The following OCEL1 variants were observed in gnomAD, a reference collection of about 807,000 sequenced individuals.
The protein encoded by OCEL1 is occludin/ELL domain containing 1, also known as occludin/ELL domain-containing protein 1.
Under a neutral mutation model 29.4 loss-of-function variants are expected in OCEL1, and 24 were observed. That is an observed-to-expected ratio of 0.82 (90% CI 0.59 to 1.15). The LOEUF is 1.15. OCEL1 is among the 50% of genes most tolerant of loss of function. The pLI, the probability that OCEL1 is intolerant of heterozygous loss-of-function variation, is 0.00. For synonymous variants in OCEL1, 172 were observed against 145.3 expected (o/e 1.18, Z -1.32); for missense variants, 402 against 352.5 (o/e 1.14, Z -1.13).
Position 17,228,947 on chromosome 19 carries a change from G to C in OCEL1, c.*22G>C, listed in dbSNP as rs201106868. 1.2e-6 allele frequency: 2 copies of C among 1,603,522 alleles called. No homozygotes were observed. Among genetic ancestry groups the C allele is most frequent in the Non-Finnish European group, 1.7e-6 (2 of 1,174,850 alleles). ...CTAAGTGCCCCTGCAGATGGGCAGA[G>C]GGATGCATGGGGATGCAGGTCCCTT... On this transcript the variant is annotated 3_prime_UTR_variant, in exon 6 of 6. Transcript: ENST00000215061.
chr19:17,226,231 G>A lies in OCEL1; in HGVS notation c.-17G>A. On this transcript the variant is annotated 5_prime_UTR_variant, in exon 1 of 6. Transcript: ENST00000215061. ...CCCTGCTGAGCGACCCCGCCAGTCG[G>A]GTCCATCCTGCAGTAAATGCACAAC... The A allele has an allele frequency of 6.2e-7, 1 of 1,600,536 alleles. No homozygotes were observed. Among genetic ancestry groups the A allele is most frequent in the Non-Finnish European group, 8.5e-7 (1 of 1,174,048 alleles).
At chr19:17,226,932 G>A (rs1274985606) in intron 2 of OCEL1, 62 bp from the exon 3 acceptor site, 1 of 1,528,396 alleles carries the variant, frequency 6.5e-7, no homozygotes, top group East Asian at 2.4e-5. Flanking sequence ...AGCCCCTCCA[G>A]TTTGAGGGAC....
intron 4 of OCEL1, 105 bp downstream of exon 4, chr19:17,228,110 C>CG (rs2073378980): frequency 6.5e-7 from 1 of 1,544,012 alleles, no homozygotes; most frequent in African/African-American, 1.4e-5. Context: ...TTTCTCCTCT[C>CG]GGTTGGCTGG....
At chr19:17,226,612 G>C (rs12984127) in intron 1 of OCEL1, 81 bp from the exon 2 acceptor site, 528,130 of 1,362,382 alleles carry the variant, frequency 0.39, 108,192 homozygotes, top group Non-Finnish European at 0.42. Context: ...GTGAGAGTTG[G>C]CCGCTCTTCG....
intron 3 of OCEL1, 105 bp from the exon 4 acceptor site, chr19:17,227,735 G>A: frequency 9.1e-6 from 10 of 1,096,354 alleles, no homozygotes; most frequent in Non-Finnish European, 1.3e-5. Flanking sequence ...GAAAAGGAAC[G>A]TTTCTAGTAG....
intron 5 of OCEL1, chr19:17,228,527 C>A (rs1599449003): frequency 3.3e-6 from 2 of 609,698 alleles, no homozygotes; most frequent in East Asian, 6.0e-5. Flanking sequence ...GCGCCCACCA[C>A]CGTGCCTGGC....
In OCEL1 at chr19:17,228,956, G is replaced by A. The variant is rs2145558656; in HGVS notation, c.*31G>A. 1 of 1,601,728 alleles carries A rather than the reference G, an allele frequency of 6.2e-7. No homozygotes were observed. Among genetic ancestry groups the A allele is most frequent in the South Asian group, 1.1e-5 (1 of 90,590 alleles). The stretch of plus-strand genomic sequence containing the variant: ...CCTGCAGATGGGCAGAGGGATGCAT[G>A]GGGATGCAGGTCCCTTGCATTTCTT... On this transcript the variant is annotated 3_prime_UTR_variant, in exon 6 of 6. Transcript: ENST00000215061.
intron 3 of OCEL1, 66 bp from the exon 4 acceptor site, chr19:17,227,774 T>C: frequency 6.4e-7 from 1 of 1,553,878 alleles, no homozygotes; most frequent in South Asian, 1.2e-5. Flanking sequence ...GAAAAGCAAA[T>C]TACACTGACT....
chr19:17,227,228 C>T (rs777856428), intron 3 of OCEL1, 29 bp downstream of exon 3: 4 of 1,456,820 alleles, frequency 2.7e-6, no homozygotes, highest in Middle Eastern at 1.8e-4. Context: ...ATTCTTCATG[C>T]CTGGGATCAG....
At position 17,226,748 on chromosome 19, in the gene OCEL1, G is replaced by T. The variant is rs10425488; in HGVS notation, c.125G>T (p.Arg42Leu). Residue 42 changes from arginine to leucine, a missense_variant, in exon 2 of 6, where the codon CGC becomes CTC. Coordinates refer to ENST00000215061, the MANE Select transcript of OCEL1 (RefSeq NM_024578.3). ...GGACACGACGCCCCCCGCAGGACCC[G>T]CCCATCAGCCCGGAAACCCCTGAGC... ...RAGHDAPRRT[R>L]PSARKPLSCF... 0.071 allele frequency: 112,236 copies of T among 1,575,320 alleles called. 4,625 individuals are homozygous for T. The highest frequency in any genetic ancestry group is 0.18 in the Middle Eastern group (907 of 5,130).
At chr19:17,226,937 AGG>A (rs2073366966) in intron 2 of OCEL1, 55 bp from the exon 3 acceptor site, 1 of 1,529,206 alleles carries the variant, frequency 6.5e-7, no homozygotes, top group African/African-American at 1.4e-5. Context: ...CTCCAGTTTG[AGG>A]GACTCCGGTT....
At chr19:17,227,289 A>C (rs1417431709) in intron 3 of OCEL1, 90 bp downstream of exon 3, 2 of 1,233,718 alleles carry the variant, frequency 1.6e-6, no homozygotes, top group Non-Finnish European at 2.2e-6. Context: ...AGTTTACCAA[A>C]GAGTAGAAAG....
rs2145555500 is a variant in OCEL1, at chr19:17,226,827, C to A, written c.204C>A (p.Ser68=). Residue 68 remains serine (S), a synonymous_variant, in exon 2 of 6, where the codon TCC becomes TCA. Coordinates refer to ENST00000215061, the MANE Select transcript of OCEL1 (RefSeq NM_024578.3). Reference sequence around the variant, plus strand: ...GGGAGCCCCCAAAGACTCGCGGCTCCCGGGGGCACCTGCATACTCACCCGC... The same window carrying A: ...GGGAGCCCCCAAAGACTCGCGGCTCACGGGGGCACCTGCATACTCACCCGC... ...PTREPPKTRG[S]RGHLHTHPPG... The A allele has an allele frequency of 6.3e-7, 1 of 1,581,074 alleles. No homozygotes were observed.
At chr19:17,226,612 G>T in intron 1 of OCEL1, 81 bp from the exon 2 acceptor site, 1 of 1,364,616 alleles carries the variant, frequency 7.3e-7, no homozygotes, top group Non-Finnish European at 9.6e-7. Context: ...GTGAGAGTTG[G>T]CCGCTCTTCG....
intron 5 of OCEL1, 85 bp downstream of exon 5, chr19:17,228,394 T>C (rs2073382398): frequency 2.2e-6 from 3 of 1,381,816 alleles, no homozygotes; most frequent in Non-Finnish European, 3.0e-6. Context: ...CTTTTTTTTT[T>C]CTTTCTTTTG....
intron 4 of OCEL1, 23 bp downstream of exon 4, chr19:17,228,028 T>C: frequency 6.2e-7 from 1 of 1,609,346 alleles, no homozygotes; most frequent in Non-Finnish European, 8.5e-7. Context: ...GAGAAAGCCC[T>C]GCCCCGCAGC....
Position 17,226,256 on chromosome 19 carries a change from C to T in OCEL1, c.9C>T (p.Asn3=). 6.2e-7 allele frequency: 1 copy of T among 1,610,968 alleles called. No homozygotes were observed. Among genetic ancestry groups the T allele is most frequent in the Non-Finnish European group, 8.5e-7 (1 of 1,179,044 alleles). Residue 3 remains asparagine, a synonymous_variant, in exon 1 of 6, where the codon AAC becomes AAT. Coordinates refer to ENST00000215061, the MANE Select transcript of OCEL1 (RefSeq NM_024578.3). ...GGTCCATCCTGCAGTAAATGCACAA[C>T]CCGGACGGAAGTGCCTCTCCGACAG... MH[N]PDGSASPTAD...
At position 17,228,719 on chromosome 19, in the gene OCEL1, C is replaced by G. The variant is rs752354074; in HGVS notation, c.673-84C>G. On this transcript the variant is annotated intron_variant, in intron 5 of 5. Transcript: ENST00000215061. ...GTTTCAAGGAGAGAAAATTGAGGCT[C>G]GGAGAATGAAAGGCAGAGAGTTAAG... 3.3e-6 allele frequency: 5 copies of G among 1,535,050 alleles called. No homozygotes were observed. In the Admixed American group the frequency reaches 5.8e-5, roughly 18 times the overall value.
chr19:17,226,476 TCAGAGTTCATTTA>T, intron 1 of OCEL1, 160 bp downstream of exon 1: 1 of 963,472 alleles, frequency 1.0e-6, no homozygotes, highest in Non-Finnish European at 1.5e-6. Context: ...CGCGGCGACG[TCAGAGTTCATTTA>T]CATAGCGCTT....
Sources: gnomAD v4.1 joint callset for allele counts on GRCh38, gnomAD v4.1.1 for gene constraint, MANE v1.5 for transcripts, NCBI Gene and HGNC (gene_info 2026-07-23, HGNC 2026-07-21) for gene names.